The following LPP variants were observed in gnomAD, a reference collection of about 807,000 sequenced individuals.
LPP encodes the protein LIM domain containing preferred translocation partner in lipoma.
LPP carries 38 observed loss-of-function variants against 60.4 expected under a neutral mutation model. The observed-to-expected ratio is 0.63, with a 90% CI of 0.49 to 0.83. The LOEUF (loss-of-function observed/expected upper bound fraction) is 0.83. Ranked by LOEUF, LPP falls within the 40% of genes least tolerant of loss-of-function variation. The probability of loss-of-function intolerance (pLI) is 0.00; values close to 1 mark genes in which losing one functional copy is unlikely to be tolerated. For synonymous variants in LPP, 328 were observed against 290.8 expected (o/e 1.13, Z -1.30); for missense variants, 902 against 783.6 (o/e 1.15, Z -1.80).
chr3:188,719,100 T>C (rs908080197), intron 8 of LPP, among the ~76,000 whole-genome samples: 10 of 152,206 alleles, frequency 6.6e-5, no homozygotes, highest in Non-Finnish European at 5.9e-5. Flanking sequence ...TGATCTCTTT[T>C]GCATGTATCT....
At position 188,744,186 on chromosome 3, in the gene LPP, A is replaced by G. The variant is rs145613207; in HGVS notation, c.1241-15927A>G. On this transcript the variant is annotated intron_variant, in intron 8 of 11. Coordinates refer to ENST00000617246, the MANE Select transcript of LPP (RefSeq NM_001375462.1). ...CGTGTACACAAAGGTGTATATCCAC[A>G]CACTTACATGCACAATGAGAGATGC... Among the ~76,000 whole-genome samples the G allele has an allele frequency of 2.5e-4, 38 of 152,244 alleles. No homozygotes were observed. The East Asian group carries it at 6.8e-3, about 27-fold the overall frequency.
chr3:188,512,135 T>G (rs1815877252), intron 5 of LPP, among the ~76,000 whole-genome samples: 1 of 152,232 alleles, frequency 6.6e-6, no homozygotes, highest in South Asian at 2.1e-4. Flanking sequence ...TCTAATATTT[T>G]ATGAGCCTTA....
intron 9 of LPP, among the ~76,000 whole-genome samples, chr3:188,837,315 G>A (rs1758703473): frequency 6.6e-6 from 1 of 151,622 alleles, no homozygotes; most frequent in Non-Finnish European, 1.5e-5. Context: ...GGAGGTGGAA[G>A]TTGCAGTGAG....
At position 188,632,735 on chromosome 3, in the gene LPP, T is replaced by C. The variant is rs562270284; in HGVS notation, c.1113+22891T>C. ...TTTTCACTAAGACTCTACGTTTCAA[T>C]ACTAACACTTACGGACAAGTGGAAG... On this transcript the variant is annotated intron_variant, in intron 7 of 11. Transcript: ENST00000617246. 9.8e-5 allele frequency among the ~76,000 whole-genome samples: 15 copies of C among 152,334 alleles called. No individual in the cohort carries two copies. The East Asian group carries it at 1.9e-3, about 20-fold the overall frequency.
chr3:188,848,881 G>A (rs766951299), intron 9 of LPP, among the ~76,000 whole-genome samples: 1 of 151,660 alleles, frequency 6.6e-6, no homozygotes, highest in Non-Finnish European at 1.5e-5. Flanking sequence ...CAGGAGAATC[G>A]CTTGAGCCTA....
intron 7 of LPP, among the ~76,000 whole-genome samples, chr3:188,665,215 C>G (rs958025409): frequency 2.0e-5 from 3 of 151,990 alleles, no homozygotes; most frequent in African/African-American, 7.3e-5. Context: ...AGTATATGCC[C>G]CTTTTCTGTG....
intron 3 of LPP, among the ~76,000 whole-genome samples, chr3:188,403,900 T>C (rs1172169572): frequency 6.6e-6 from 1 of 152,174 alleles, no homozygotes; most frequent in Admixed American, 6.5e-5. Context: ...TGTATGTATG[T>C]GTGTGTATAT....
chr3:188,579,906 C>G (rs1835675039), intron 6 of LPP, among the ~76,000 whole-genome samples: 2 of 151,774 alleles, frequency 1.3e-5, no homozygotes, highest in East Asian at 3.9e-4. Flanking sequence ...AGGTAGGAGG[C>G]TTGCTTGAGC....
At chr3:188,224,725 C>A (rs1262054572) in intron 1 of LPP, among the ~76,000 whole-genome samples, 2 of 152,060 alleles carry the variant, frequency 1.3e-5, no homozygotes, top group Non-Finnish European at 2.9e-5. Context: ...AGGGAGTAGG[C>A]AGAGGAGTTG....
rs151018998 is a variant in LPP at position 188,841,543 on chromosome 3, C to T, written c.1411-24657C>T. On this transcript the variant is annotated intron_variant, in intron 9 of 11. Coordinates refer to ENST00000617246, the MANE Select transcript of LPP (RefSeq NM_001375462.1). ...AGTAGCTGGGATTACAGGTGTGCAA[C>T]ACCACGCCCAGCTAATTTTTGTATT... Among the ~76,000 whole-genome samples the T allele has an allele frequency of 8.7e-3, 1,330 of 152,170 alleles. 17 individuals carry two copies. The highest frequency in any genetic ancestry group is 0.03 in the African/African-American group (1,264 of 41,512).
intron 9 of LPP, among the ~76,000 whole-genome samples, chr3:188,858,386 G>A (rs1764332926): frequency 1.3e-5 from 2 of 152,110 alleles, no homozygotes; most frequent in Non-Finnish European, 2.9e-5. Flanking sequence ...CAAAAGAAGT[G>A]TTTTGGAAGA....
At chr3:188,252,031 GATATAT>G (rs10579787) in intron 2 of LPP, among the ~76,000 whole-genome samples, 3,628 of 41,198 alleles carry the variant, frequency 0.088, 196 homozygotes, top group Non-Finnish European at 0.12. Context: ...TTTTAATCCT[GATATAT>G]ATATATATAT....
chr3:188,270,709 T>C (rs537739183), intron 2 of LPP, among the ~76,000 whole-genome samples: 3 of 152,348 alleles, frequency 2.0e-5, no homozygotes, highest in South Asian at 2.1e-4. Context: ...TTCCATCTTA[T>C]GCAGAACATG....
intron 1 of LPP, among the ~76,000 whole-genome samples, chr3:188,208,642 G>T (rs776809032): frequency 5.3e-5 from 8 of 152,186 alleles, no homozygotes; most frequent in Middle Eastern, 3.2e-3. Context: ...ATCTCAGGGG[G>T]TCTTTGAAAC....
intron 8 of LPP, among the ~76,000 whole-genome samples, chr3:188,759,005 C>T (rs1341533426): frequency 6.6e-6 from 1 of 152,196 alleles, no homozygotes; most frequent in Non-Finnish European, 1.5e-5. Flanking sequence ...CCTACAGCTT[C>T]TGGCTAACAT....
chr3:188,650,765 A>G (rs1321210281), intron 7 of LPP, among the ~76,000 whole-genome samples: 1 of 152,222 alleles, frequency 6.6e-6, no homozygotes, highest in East Asian at 1.9e-4. Context: ...ATATGTCCAG[A>G]AAAAAAGTCC....
intron 7 of LPP, among the ~76,000 whole-genome samples, chr3:188,679,889 C>T (rs1859083154): frequency 6.6e-6 from 1 of 152,118 alleles, no homozygotes; most frequent in Non-Finnish European, 1.5e-5. Flanking sequence ...CTCCTATCCC[C>T]CCAGGCTGTC....
At chr3:188,767,882 A>G (rs1734655437) in intron 9 of LPP, among the ~76,000 whole-genome samples, 1 of 152,172 alleles carries the variant, frequency 6.6e-6, no homozygotes, top group East Asian at 1.9e-4. Context: ...AACCTTAAAG[A>G]AATCCATTAA....
At chr3:188,318,227 G>C (rs985662558) in intron 2 of LPP, among the ~76,000 whole-genome samples, 1 of 152,030 alleles carries the variant, frequency 6.6e-6, no homozygotes, top group Admixed American at 6.6e-5. Flanking sequence ...TTTAATTTTA[G>C]GCCCAAATAC....
Sources: gnomAD v4.1 joint callset for allele counts (sites outside exome capture counted in the v4.1 genomes callset) on GRCh38, gnomAD v4.1.1 for gene constraint, MANE v1.5 for transcripts, NCBI Gene and HGNC (gene_info 2026-07-23, HGNC 2026-07-21) for gene names.